Variants in OGDHL observed in about 807,000 individuals in gnomAD.
The protein encoded by OGDHL is 2-oxoglutarate dehydrogenase-like, mitochondrial.
A neutral mutation model predicts 109.6 loss-of-function variants in OGDHL; 79 were observed. That is an observed-to-expected ratio of 0.72 (90% confidence interval 0.60 to 0.87). The LOEUF is 0.87. Among genes scored for constraint, OGDHL ranks in the 40% least tolerant of loss-of-function variants. The pLI, the probability that OGDHL is intolerant of heterozygous loss-of-function variation, is 0.00. For synonymous variants in OGDHL, 528 were observed against 537.2 expected, an observed-to-expected ratio of 0.98 and a Z score of 0.24; for missense variants, 1,275 against 1,362.2, an observed-to-expected ratio of 0.94 and a Z score of 1.01.
At chr10:49,749,633 C>A in intron 8 of OGDHL, 93 bp downstream of exon 8, 1 of 1,116,562 alleles carries the variant, frequency 9.0e-7, no homozygotes, top group South Asian at 1.5e-5. Flanking sequence ...TAAGGTTTAT[C>A]TCAGCCCGGA....
chr10:49,756,653 A>G, intron 3 of OGDHL, 123 bp downstream of exon 3: 1 of 971,708 alleles, frequency 1.0e-6, no homozygotes, highest in Middle Eastern at 3.3e-4. Flanking sequence ...GCCGCTCAGT[A>G]GAGGACAAGG....
At chr10:49,737,911 C>T (rs1841323657) in intron 19 of OGDHL, 36 bp downstream of exon 19, 1 of 1,614,068 alleles carries the variant, frequency 6.2e-7, no homozygotes, top group African/African-American at 1.3e-5. Flanking sequence ...GGCCAGGCCC[C>T]CTGCCTGTGA....
chr10:49,745,571 A>G lies in OGDHL; in HGVS notation c.1477-75T>C. 7 of 1,578,450 alleles carry G rather than the reference A, an allele frequency of 4.4e-6. No homozygotes were observed. In the South Asian group the frequency reaches 4.5e-5, roughly 10 times the overall value. On this transcript the variant is annotated intron_variant, in intron 11 of 22. Transcript: ENST00000374103. ...AATGTAGCTGCTGCAAAATTGGGGA[A>G]TATCTGGGTAGGGCACACCCACTGG...
At chr10:49,759,556 A>G (rs1008315930) in intron 1 of OGDHL, among the ~76,000 whole-genome samples, 15 of 152,142 alleles carry the variant, frequency 9.9e-5, no homozygotes, top group Non-Finnish European at 1.3e-4. Flanking sequence ...AGAACCCCCC[A>G]GATATCCCTA....
At chr10:49,760,308 C>T (rs1843192608) in intron 1 of OGDHL, among the ~76,000 whole-genome samples, 1 of 152,244 alleles carries the variant, frequency 6.6e-6, no homozygotes, top group Admixed American at 6.5e-5. Flanking sequence ...TGATGCCAAG[C>T]CCTAGAGCGC....
intron 20 of OGDHL, 46 bp from the exon 21 acceptor site, chr10:49,736,566 G>A (rs750364095): frequency 2.4e-5 from 38 of 1,591,706 alleles, no homozygotes; most frequent in South Asian, 1.4e-4. Context: ...ACCCAGAGGG[G>A]CTGGGGCAGC....
At chr10:49,746,623 G>T in intron 10 of OGDHL, 127 bp downstream of exon 10, 1 of 1,251,832 alleles carries the variant, frequency 8.0e-7, no homozygotes, top group Non-Finnish European at 1.1e-6. Flanking sequence ...AAAGAGCAGG[G>T]TCCTGCCTGG....
chr10:49,752,811 G>A, intron 3 of OGDHL, 71 bp from the exon 4 acceptor site: 7 of 1,108,590 alleles, frequency 6.3e-6, no homozygotes, highest in South Asian at 1.4e-5. Flanking sequence ...GTAAGGCTCT[G>A]GGCCCCAGCC....
chr10:49,748,755 C>CACACACACACAAACACACACACACACAA (rs1842377678), intron 8 of OGDHL, among the ~76,000 whole-genome samples: 1 of 142,860 alleles, frequency 7.0e-6, no homozygotes, highest in Non-Finnish European at 1.6e-5. Flanking sequence ...CACACACACA[C>CACACACACACAAACACACACACACACAA]ACACACACAC....
chr10:49,741,713 TACATAC>T (rs1258331322), intron 15 of OGDHL, among the ~76,000 whole-genome samples: 5 of 122,640 alleles, frequency 4.1e-5, no homozygotes, highest in African/African-American at 1.6e-4. Flanking sequence ...ACCAAACACA[TACATAC>T]ACACACACCA....
chr10:49,739,845 CAG>C lies in OGDHL; in HGVS notation c.2141-8_2141-7del. The C allele has an allele frequency of 1.9e-6, 3 of 1,611,062 alleles. No homozygotes were observed. The highest frequency in any genetic ancestry group is 2.5e-6 in the Non-Finnish European group (3 of 1,178,464). ...GGCATAGCCCAGCTCAAAGCCTAAACAGAAGACAAGATAGAGCTTGCTGCACA... is the reference window on the plus strand; with the variant it reads ...GGCATAGCCCAGCTCAAAGCCTAAACAAGACAAGATAGAGCTTGCTGCACA... On this transcript the variant is annotated splice_polypyrimidine_tract_variant and splice_region_variant and intron_variant, in intron 16 of 22. Transcript: ENST00000374103.
At chr10:49,740,310 C>T (rs972315874) in intron 16 of OGDHL, among the ~76,000 whole-genome samples, 3 of 152,026 alleles carry the variant, frequency 2.0e-5, no homozygotes, top group African/African-American at 7.2e-5. Context: ...GAGAAGGGAT[C>T]TCAGTGCAGT....
In OGDHL at chr10:49,751,781, C is replaced by A. The variant is rs575562916; in HGVS notation, c.749+46G>T. The A allele has an allele frequency of 6.3e-6, 10 of 1,599,566 alleles. No individual in the cohort carries two copies. In the South Asian group the frequency reaches 1.0e-4, roughly 16 times the overall value. ...CAGGGTGTGGGACGTCTCATAGAGC[C>A]CTGGAGCAGGACCTCCAGCCACTTG... On this transcript the variant is annotated intron_variant, in intron 6 of 22. Coordinates refer to ENST00000374103, the MANE Select transcript of OGDHL (RefSeq NM_018245.3).
Position 49,737,975 on chromosome 10 carries a change from C to A in OGDHL, c.2489G>T (p.Arg830Leu). Residue 830 changes from arginine (R) to leucine (L), a missense_variant, in exon 19 of 23, where the codon CGG (arginine) becomes CTG (leucine). Arg to Leu is a moderately radical substitution (Grantham distance 102). Transcript: ENST00000374103. ...CTTGCGGAAGGGCAGCAGGATCTGC[C>A]GGCGCAGCACGTGGAAGTAGTTGGC... ...TPANYFHVLR[R>L]QILLPFRKPL... 1 of 1,614,176 alleles carries A rather than the reference C, an allele frequency of 6.2e-7. No homozygotes were observed. Among genetic ancestry groups the A allele is most frequent in the Non-Finnish European group, 8.5e-7 (1 of 1,180,032 alleles).
rs538668018 is a variant in OGDHL, at chr10:49,745,604, T to C, written c.1477-108A>G. ...GTAGGGCACACCCACTGGGAGCCCT[T>C]TGAGCTCCACTATCACCTATCACCG... On this transcript the variant is annotated intron_variant, in intron 11 of 22. Coordinates refer to ENST00000374103, the MANE Select transcript of OGDHL (RefSeq NM_018245.3). The C allele has an allele frequency of 4.0e-5, 56 of 1,414,108 alleles. 1 individual carries two copies. The African/African-American group carries it at 7.2e-4, about 18-fold the overall frequency. The allele number at this position is 1,414,108 out of a possible 1,614,324, so 87.6% of individuals were successfully genotyped here.
At chr10:49,735,515 C>T (rs1037207154) in intron 22 of OGDHL, among the ~76,000 whole-genome samples, 164 bp from the exon 23 acceptor site, 3 of 152,216 alleles carry the variant, frequency 2.0e-5, no homozygotes, top group Non-Finnish European at 4.4e-5. Flanking sequence ...CTGCAAAGCC[C>T]GGATCAAACT....
intron 7 of OGDHL, among the ~76,000 whole-genome samples, chr10:49,750,205 G>C (rs1842488904): frequency 6.6e-6 from 1 of 152,172 alleles, no homozygotes; most frequent in South Asian, 2.1e-4. Context: ...CTGGTCACGG[G>C]AAAAGCCCAG....
intron 7 of OGDHL, 139 bp downstream of exon 7, chr10:49,750,700 G>C (rs1842527260): frequency 1.7e-6 from 2 of 1,197,264 alleles, no homozygotes; most frequent in Non-Finnish European, 2.3e-6. Context: ...CCAGGCCCAG[G>C]ACTCAGAACT....
intron 12 of OGDHL, 150 bp from the exon 13 acceptor site, chr10:49,744,902 A>G (rs1842063692): frequency 1.5e-6 from 1 of 672,740 alleles, no homozygotes; most frequent in Non-Finnish European, 2.6e-6. Flanking sequence ...GCTAGAAGCC[A>G]AAGTCTCAGA....
Sources: allele counts gnomAD v4.1 joint callset (sites outside exome capture counted in the v4.1 genomes callset), GRCh38; gene constraint gnomAD v4.1.1; transcripts MANE v1.5; gene names NCBI Gene and HGNC (gene_info 2026-07-23, HGNC 2026-07-21).